Variants in PCDHA1 observed in about 807,000 individuals in gnomAD.
The protein encoded by PCDHA1 is protocadherin alpha-1.
In PCDHA1, 42 loss-of-function variants were observed where a neutral mutation model predicts 61.3. The observed-to-expected ratio is 0.69, with a 90% CI of 0.54 to 0.89. PCDHA1 has a LOEUF of 0.89. PCDHA1 is among the 40% of genes least tolerant of loss of function. PCDHA1 has a pLI of 0.00. For synonymous variants in PCDHA1, 610 were observed against 553.8 expected, an observed-to-expected ratio of 1.10 and a Z score of -1.43; for missense variants, 1,256 against 1,235.3, an observed-to-expected ratio of 1.02 and a Z score of -0.25.
chr5:140,902,724 C>T (rs1463381369), intron 1 of PCDHA1, among the ~76,000 whole-genome samples: 6 of 148,640 alleles, frequency 4.0e-5, no homozygotes, highest in Admixed American at 3.3e-4. Context: ...TCCCACCCTT[C>T]CCTCCAAGTC....
intron 3 of PCDHA1, among the ~76,000 whole-genome samples, chr5:141,000,251 G>C (rs2097898188): frequency 6.6e-6 from 1 of 151,264 alleles, no homozygotes; most frequent in Non-Finnish European, 1.5e-5. Context: ...GCTGACACCT[G>C]TGATCCTAGC....
At chr5:140,893,780 C>G (rs966071281) in intron 1 of PCDHA1, among the ~76,000 whole-genome samples, 1 of 151,980 alleles carries the variant, frequency 6.6e-6, no homozygotes. Flanking sequence ...TTTCTTTTAC[C>G]GTTTTTAGAA....
intron 1 of PCDHA1, chr5:140,853,127 C>A: frequency 1.7e-6 from 1 of 580,840 alleles, no homozygotes; most frequent in Non-Finnish European, 2.2e-6. Context: ...GATCCTCCCG[C>A]CTCAGCCTCC....
Position 141,010,530 on chromosome 5 carries a change from A to T in PCDHA1, c.*593A>T, listed in dbSNP as rs188140091. 45 of 414,090 alleles carry T rather than the reference A, an allele frequency of 1.1e-4. No homozygotes were observed. In the Admixed American group the frequency reaches 1.6e-3, roughly 15 times the overall value. The allele number at this position is 414,090 out of a possible 1,614,324, so 25.7% of individuals were successfully genotyped here. On this transcript the variant is annotated 3_prime_UTR_variant, in exon 4 of 4. Coordinates refer to ENST00000504120, the MANE Select transcript of PCDHA1 (RefSeq NM_018900.4). ...TCTTACAACTCAAGAGGTGGCAGCC[A>T]CCCTCTAGGAGACAAAACTACCCCC... is the stretch of plus-strand genomic sequence containing the variant.
At chr5:140,800,971 T>G in intron 1 of PCDHA1, 1 of 1,254,566 alleles carries the variant, frequency 8.0e-7, no homozygotes, top group Non-Finnish European at 1.0e-6. Flanking sequence ...AGAAGATACG[T>G]TTACATATTT....
At position 140,806,952 on chromosome 5, in the gene PCDHA1, G is replaced by T. The variant is rs1229018941; in HGVS notation, c.2394+18268G>T. Reference sequence around the variant, plus strand: ...AAGTAGTTTACAGTAGAGTGTGTGGGGGTTTCCACAATTGCTACTTACGGT... The same window carrying T: ...AAGTAGTTTACAGTAGAGTGTGTGGTGGTTTCCACAATTGCTACTTACGGT... On this transcript the variant is annotated intron_variant, in intron 1 of 3. Coordinates refer to ENST00000504120, the MANE Select transcript of PCDHA1 (RefSeq NM_018900.4). 9 of 588,900 alleles carry T rather than the reference G, an allele frequency of 1.5e-5. No homozygotes were observed. The East Asian group carries it at 2.3e-4, about 15-fold the overall frequency. The allele number at this position is 588,900 out of a possible 1,614,324, so 36.5% of individuals were successfully genotyped here.
chr5:140,967,985 A>G, intron 1 of PCDHA1: 3 of 1,614,218 alleles, frequency 1.9e-6, no homozygotes, highest in East Asian at 4.5e-5. Flanking sequence ...TCTGGAGGCC[A>G]CACTGCCTTT....
At chr5:140,887,431 A>C (rs2061444829) in intron 1 of PCDHA1, among the ~76,000 whole-genome samples, 1 of 152,112 alleles carries the variant, frequency 6.6e-6, no homozygotes, top group African/African-American at 2.4e-5. Context: ...AAGTATTTTC[A>C]CTGGGCATAG....
At position 140,876,570 on chromosome 5, in the gene PCDHA1, T is replaced by A. The variant is rs782551095; in HGVS notation, c.2394+87886T>A. 5.7e-5 allele frequency: 92 copies of A among 1,614,172 alleles called. No individual in the cohort carries two copies. In the East Asian group the frequency reaches 2.0e-3, roughly 35 times the overall value. On this transcript the variant is annotated intron_variant, in intron 1 of 3. Coordinates refer to ENST00000504120, the MANE Select transcript of PCDHA1 (RefSeq NM_018900.4). The stretch of plus-strand genomic sequence containing the variant: ...CTGTGCAAGAGGATGCTCAGGTGGG[T>A]ACCGTCATTGCCCTGATTAGCGTGT...
intron 1 of PCDHA1, among the ~76,000 whole-genome samples, chr5:140,846,541 AT>A (rs1226302144): frequency 6.8e-6 from 1 of 147,482 alleles, no homozygotes; most frequent in Non-Finnish European, 1.5e-5. Context: ...TGCCCTGCTA[AT>A]TTTTTGTATT....
chr5:140,826,342 C>T (rs1288222380), intron 1 of PCDHA1, among the ~76,000 whole-genome samples: 3 of 152,070 alleles, frequency 2.0e-5, no homozygotes, highest in East Asian at 1.9e-4. Context: ...AAATTGAACC[C>T]TTTGTTTGCC....
intron 1 of PCDHA1, chr5:140,796,722 T>G (rs782811954): frequency 1.2e-6 from 2 of 1,613,878 alleles, no homozygotes; most frequent in African/African-American, 2.7e-5. Flanking sequence ...GGTCGGTGGG[T>G]GCAGGGCACG....
At chr5:140,911,257 A>G (rs1423375928) in intron 1 of PCDHA1, among the ~76,000 whole-genome samples, 1 of 152,156 alleles carries the variant, frequency 6.6e-6, no homozygotes, top group African/African-American at 2.4e-5. Context: ...ATCAGAATTT[A>G]TAATCTCAGT....
chr5:140,787,512 G>A lies in PCDHA1; in HGVS notation c.1222G>A (p.Val408Met). ...CACCTTCAAGAATTACTACTCGTTG[G>A]TGTTGGACAGCGCCCTGGATCGCGA... is the stretch of plus-strand genomic sequence containing the variant. ...VSTFKNYYSL[V>M]LDSALDRESL... Residue 408 changes from valine to methionine, a missense_variant, in exon 1 of 4, where the codon GTG (valine) becomes ATG (methionine). Coordinates refer to ENST00000504120, the MANE Select transcript of PCDHA1 (RefSeq NM_018900.4). 7.4e-6 allele frequency: 12 copies of A among 1,614,254 alleles called. No homozygotes were observed. Among genetic ancestry groups the A allele is most frequent in the Non-Finnish European group, 1.0e-5 (12 of 1,180,052 alleles).
At chr5:141,009,166 T>C (rs949376056) in intron 3 of PCDHA1, among the ~76,000 whole-genome samples, 98 of 152,230 alleles carry the variant, frequency 6.4e-4, no homozygotes, top group African/African-American at 2.2e-3. Context: ...CTGTAAATAC[T>C]GGCCTTGGCT....
Position 141,011,828 on chromosome 5 carries a change from T to C in PCDHA1, c.*1891T>C, listed in dbSNP as rs76856184. The C allele has an allele frequency of 2.5e-3, 389 of 153,920 alleles. 1 individual carries two copies. Among genetic ancestry groups the C allele is most frequent in the African/African-American group, 9.1e-3 (378 of 41,598 alleles). The allele number at this position is 153,920 out of a possible 1,614,324, so 9.5% of individuals were successfully genotyped here. ...GCTCATAGAAAGTAACAAAATTTGC[T>C]GTCACCTTAAATAAGACATTTTAAT... On this transcript the variant is annotated 3_prime_UTR_variant, in exon 4 of 4. Transcript: ENST00000504120.
intron 1 of PCDHA1, among the ~76,000 whole-genome samples, chr5:140,965,384 A>C (rs1275113616): frequency 6.6e-6 from 1 of 152,222 alleles, no homozygotes; most frequent in Non-Finnish European, 1.5e-5. Flanking sequence ...GGGACACAGA[A>C]GAACAGAAGT....
At chr5:140,899,204 C>T (rs1286752140) in intron 1 of PCDHA1, among the ~76,000 whole-genome samples, 2 of 151,972 alleles carry the variant, frequency 1.3e-5, no homozygotes, top group African/African-American at 4.8e-5. Context: ...CCTAATTGCC[C>T]TGGCCAGAAC....
In PCDHA1 at chr5:140,787,673, A is replaced by G. The variant is rs1761391311; in HGVS notation, c.1383A>G (p.Thr461=). The G allele has an allele frequency of 5.6e-6, 9 of 1,613,676 alleles. No homozygotes were observed. In the Admixed American group the frequency reaches 6.7e-5, roughly 12 times the overall value. The change falls in exon 1 of 4, where the codon ACA becomes ACG. Residue 461 remains threonine, a synonymous_variant. Transcript: ENST00000504120. ...NAPAFAQPEY[T]VFVKENNPPG... The stretch of plus-strand genomic sequence containing the variant: ...CTGCGTTCGCGCAGCCCGAGTACAC[A>G]GTATTCGTGAAGGAGAACAACCCGC...
Sources: allele counts gnomAD v4.1 joint callset (sites outside exome capture counted in the v4.1 genomes callset), GRCh38; gene constraint gnomAD v4.1.1; transcripts MANE v1.5; gene names NCBI Gene and HGNC (gene_info 2026-07-23, HGNC 2026-07-21).